VPS13C: variants seen among roughly 807,000 people sequenced by gnomAD.
VPS13C encodes the protein vacuolar protein sorting 13 homolog C, also known as intermembrane lipid transfer protein VPS13C.
VPS13C carries 358 observed loss-of-function variants against 456.8 expected under a neutral mutation model. The ratio of observed to expected loss-of-function variants is 0.78; its 90% CI spans 0.72 to 0.86. VPS13C has a LOEUF of 0.86. Among genes scored for constraint, VPS13C ranks in the 40% least tolerant of loss-of-function variants. VPS13C has a pLI of 0.00. For missense variants in VPS13C, 4,818 were observed against 4,385.4 expected, an observed-to-expected ratio of 1.10 and a Z score of -2.79; for synonymous variants, 1,578 against 1,486.7, an observed-to-expected ratio of 1.06 and a Z score of -1.41.
At chr15:61,994,530 T>G (rs576605297) in intron 16 of VPS13C, among the ~76,000 whole-genome samples, 1 of 152,082 alleles carries the variant, frequency 6.6e-6, no homozygotes, top group Non-Finnish European at 1.5e-5. Context: ...CAATTAAATA[T>G]AGCCAGTGAG....
chr15:61,868,515 A>G, intron 81 of VPS13C, 144 bp downstream of exon 81: 1 of 738,086 alleles, frequency 1.4e-6, no homozygotes, highest in Non-Finnish European at 2.2e-6. Context: ...CTAAAATGAA[A>G]AACAATCAAA....
At chr15:61,898,300 A>G (rs1261257430) in intron 66 of VPS13C, among the ~76,000 whole-genome samples, 5 of 152,314 alleles carry the variant, frequency 3.3e-5, no homozygotes, top group African/African-American at 1.2e-4. Flanking sequence ...TAAAAGACAC[A>G]GACTGGCAAA....
intron 82 of VPS13C, chr15:61,856,873 G>C (rs899563529): frequency 1.9e-5 from 3 of 156,800 alleles, no homozygotes; most frequent in African/African-American, 7.3e-5. Flanking sequence ...TTCCAGTCAA[G>C]AACGAACGTG....
At chr15:61,970,877 A>C (rs1385895257) in intron 27 of VPS13C, among the ~76,000 whole-genome samples, 1 of 151,992 alleles carries the variant, frequency 6.6e-6, no homozygotes, top group African/African-American at 2.4e-5. Flanking sequence ...AAAAAAAAAA[A>C]AAAATCAAGC....
At chr15:61,924,596 CGAG>C (rs1486005428) in intron 53 of VPS13C, among the ~76,000 whole-genome samples, 4 of 152,200 alleles carry the variant, frequency 2.6e-5, no homozygotes, top group South Asian at 2.1e-4. Context: ...TATGCAAATT[CGAG>C]GAGTTTTTCC....
Position 61,868,739 on chromosome 15 carries a change from G to A in VPS13C, c.10783C>T (p.Arg3595Cys), listed in dbSNP as rs767464839. The stretch of plus-strand genomic sequence containing the variant: ...TCTTCATGGATCAGGCGAGGGGGAC[G>A]GAGGCTAGATACTTCCTCAGTTGAT... ...AESTEEVSSL[R>C]PPRLIHEDGI... The change falls in exon 81 of 85, where the codon CGT becomes TGT. Residue 3595 changes from arginine (R) to cysteine (C), a missense_variant. Around this residue, in one of 3 missense-constraint regions of VPS13C, gnomAD observed 261 missense variants for 234.1 expected, o/e 1.11. Coordinates refer to ENST00000644861, the MANE Select transcript of VPS13C (RefSeq NM_020821.3). The A allele has an allele frequency of 6.8e-6, 11 of 1,613,938 alleles. No individual in the cohort carries two copies. Among genetic ancestry groups the A allele is most frequent in the Admixed American group, 5.0e-5 (3 of 59,966 alleles).
rs1191455391 is a variant in VPS13C at position 61,915,962 on chromosome 15, T to C, written c.8116A>G (p.Ile2706Val). 1.9e-6 allele frequency: 3 copies of C among 1,613,632 alleles called. No individual in the cohort carries two copies. The highest frequency in any genetic ancestry group is 8.5e-7 in the Non-Finnish European group (1 of 1,179,688). ...GSTADVLHSR[I>V]SGEIMELVLV... is the part of the protein sequence containing the mutation. ...ACTAATTCCATTATTTCACCACTGATTCTCGAATGCAGAACATCAGCAGTA... is the reference window on the plus strand; with the variant it reads ...ACTAATTCCATTATTTCACCACTGACTCTCGAATGCAGAACATCAGCAGTA... Residue 2706 changes from isoleucine to valine, a missense_variant, in exon 61 of 85, where the codon ATC becomes GTC. Ile to Val is a conservative substitution (Grantham distance 29, BLOSUM62 3). Coordinates refer to ENST00000644861, the MANE Select transcript of VPS13C (RefSeq NM_020821.3).
At position 62,023,858 on chromosome 15, in the gene VPS13C, A is replaced by G. The variant is rs747414169; in HGVS notation, c.449-13T>C. 6.2e-7 allele frequency: 1 copy of G among 1,605,910 alleles called. No homozygotes were observed. The highest frequency in any genetic ancestry group is 2.2e-5 in the East Asian group (1 of 44,648). ...TTACGTTTACGTCCTTCACAGTGGA[A>G]GCATTTTAGTGAGAAAAGGATAAGA... is the stretch of plus-strand genomic sequence containing the variant. On this transcript the variant is annotated splice_polypyrimidine_tract_variant and intron_variant, in intron 6 of 84. Coordinates refer to ENST00000644861, the MANE Select transcript of VPS13C (RefSeq NM_020821.3).
At chr15:61,981,747 C>T (rs1376641581) in intron 21 of VPS13C, among the ~76,000 whole-genome samples, 1 of 152,100 alleles carries the variant, frequency 6.6e-6, no homozygotes, top group East Asian at 1.9e-4. Flanking sequence ...CCTGCAGCCC[C>T]AGCTACTTGG....
At chr15:62,057,497 A>T (rs956015500) in intron 1 of VPS13C, among the ~76,000 whole-genome samples, 5 of 152,220 alleles carry the variant, frequency 3.3e-5, no homozygotes, top group African/African-American at 1.2e-4. Flanking sequence ...AATAATGATA[A>T]AAGCTCGTGA....
chr15:61,860,425 G>A (rs146392589), intron 82 of VPS13C, among the ~76,000 whole-genome samples: 3 of 152,128 alleles, frequency 2.0e-5, no homozygotes, highest in African/African-American at 4.8e-5. Flanking sequence ...ATGACTTGGC[G>A]ATATACAGAA....
intron 77 of VPS13C, among the ~76,000 whole-genome samples, chr15:61,874,620 T>C (rs1895277281): frequency 1.3e-5 from 2 of 151,998 alleles, no homozygotes; most frequent in Admixed American, 1.3e-4. Flanking sequence ...TTTTCCCATC[T>C]AACAAGAAAA....
Position 61,981,329 on chromosome 15 carries a change from C to T in VPS13C, c.2166+13G>A, listed in dbSNP as rs770990747. 17 of 1,597,900 alleles carry T rather than the reference C, an allele frequency of 1.1e-5. No individual in the cohort carries two copies. The highest frequency in any genetic ancestry group is 1.4e-5 in the Non-Finnish European group (17 of 1,174,536). ...TCAAAGATGGGCAGACAAAAAAACG[C>T]ATATATACCTACCTGAAATGTACCA... On this transcript the variant is annotated intron_variant, in intron 22 of 84. Coordinates refer to ENST00000644861, the MANE Select transcript of VPS13C (RefSeq NM_020821.3).
rs752389156 is a variant in VPS13C at position 61,946,423 on chromosome 15, T to C, written c.4877-13A>G. The C allele has an allele frequency of 6.3e-7, 1 of 1,577,762 alleles. No homozygotes were observed. ...GAGGCATCCATTCCTATAGGAAACA[T>C]AACATTTATAAACTTTTCACCCAAT... is the stretch of plus-strand genomic sequence containing the variant. On this transcript the variant is annotated splice_polypyrimidine_tract_variant and intron_variant, in intron 43 of 84. Transcript: ENST00000644861.
chr15:61,933,914 G>T (rs964890497), intron 49 of VPS13C, among the ~76,000 whole-genome samples: 1 of 151,878 alleles, frequency 6.6e-6, no homozygotes, highest in Non-Finnish European at 1.5e-5. Context: ...TAATAAAACT[G>T]TATATATAAT....
In VPS13C at chr15:61,940,676, C is replaced by T; in HGVS notation, c.5572G>A (p.Glu1858Lys). Residue 1858 changes from glutamate to lysine, a missense_variant, in exon 47 of 85, where the codon GAG becomes AAG. By Grantham distance (56) the Glu-to-Lys change is moderately conservative. This residue lies in a region of VPS13C where 4,552 missense variants were observed against 4,130.6 expected (regional missense o/e 1.10). Transcript: ENST00000644861. ...AAWYVQIPGM[E>K]IKGKLKPMQV... ...ATAGGTTTTAGTTTTCCTTTTATCT[C>T]CATCCCTGGAATTTGCACATACCAT... The T allele has an allele frequency of 6.2e-7, 1 of 1,613,408 alleles. No homozygotes were observed. Among genetic ancestry groups the T allele is most frequent in the South Asian group, 1.1e-5 (1 of 90,874 alleles).
At chr15:61,912,114 TTAAA>T (rs2043319199) in intron 62 of VPS13C, 110 bp from the exon 63 acceptor site, 2 of 996,328 alleles carry the variant, frequency 2.0e-6, no homozygotes, top group Non-Finnish European at 2.6e-6. Flanking sequence ...ATAATAATTC[TTAAA>T]TAAAGCAACT....
chr15:61,891,941 G>C lies in VPS13C; in HGVS notation c.9106-1541C>G, dbSNP rs149299116. ...GAGAAGTGAAAAGCTCCACGCAGATGGTAACAGAAATGAACTTCTCTACCC... is the reference window on the plus strand; with the variant it reads ...GAGAAGTGAAAAGCTCCACGCAGATCGTAACAGAAATGAACTTCTCTACCC... On this transcript the variant is annotated intron_variant, in intron 66 of 84. Transcript: ENST00000644861. Among the ~76,000 whole-genome samples, 602 of 152,248 alleles carry C rather than the reference G, an allele frequency of 4.0e-3. 3 individuals carry two copies. Among genetic ancestry groups the C allele is most frequent in the African/African-American group, 0.014 (569 of 41,538 alleles).
At chr15:61,989,985 C>A (rs1289937678) in intron 18 of VPS13C, among the ~76,000 whole-genome samples, 1 of 152,088 alleles carries the variant, frequency 6.6e-6, no homozygotes, top group East Asian at 1.9e-4. Flanking sequence ...CAAGAAACAA[C>A]CCAAATGTTC....
Sources: gnomAD v4.1 joint callset for allele counts (sites outside exome capture counted in the v4.1 genomes callset) on GRCh38, gnomAD v4.1.1 for gene constraint, gnomAD v4.1.1 regional missense constraint, MANE v1.5 for transcripts, NCBI Gene and HGNC (gene_info 2026-07-23, HGNC 2026-07-21) for gene names.